TNRC6B: variants seen among roughly 807,000 people sequenced by gnomAD.
TNRC6B encodes the protein trinucleotide repeat-containing gene 6B protein.
A neutral mutation model predicts 203.6 loss-of-function variants in TNRC6B; 52 were observed. The ratio of observed to expected loss-of-function variants is 0.26; its 90% CI spans 0.20 to 0.32. The LOEUF is 0.32. Among genes scored for constraint, TNRC6B ranks in the 10% least tolerant of loss-of-function variants. TNRC6B has a pLI of 1.00. For missense variants in TNRC6B, 1,923 were observed against 2,286.2 expected, an observed-to-expected ratio of 0.84 and a Z score of 3.24; for synonymous variants, 838 against 845.7, an observed-to-expected ratio of 0.99 and a Z score of 0.16.
In TNRC6B at chr22:40,085,159, G is replaced by A. The variant is rs1303599855; in HGVS notation, c.-120-31896G>A. On this transcript the variant is annotated intron_variant, in intron 1 of 23. Transcript: ENST00000301923. The stretch of plus-strand genomic sequence containing the variant: ...CTAACAGCTACCATGTGAGCACTTT[G>A]TTTTGGAAGAAGATCTTCCAGCCTC... 2.0e-5 allele frequency among the ~76,000 whole-genome samples: 3 copies of A among 152,164 alleles called. No homozygotes were observed. In the East Asian group the frequency reaches 5.8e-4, roughly 29 times the overall value.
At chr22:40,178,743 A>G (rs1601861926) in intron 1 of TNRC6B, among the ~76,000 whole-genome samples, 1 of 152,092 alleles carries the variant, frequency 6.6e-6, no homozygotes, top group African/African-American at 2.4e-5. Flanking sequence ...AAACCTCCCA[A>G]GCAATATGTG....
chr22:40,142,225 A>AT lies in TNRC6B; in HGVS notation c.46-13872dup, dbSNP rs36034249. Among the ~76,000 whole-genome samples, 76 of 143,052 alleles carry AT rather than the reference A, an allele frequency of 5.3e-4. 1 individual carries two copies. Among genetic ancestry groups the AT allele is most frequent in the Admixed American group, 9.1e-4 (13 of 14,262 alleles). 93.8% of individuals were successfully genotyped at this position (143,052 alleles called of 152,430 possible). A position where few individuals can be genotyped will look rare whatever the true frequency, so the allele number is the denominator to read the frequency against. ...AGGCAAGTGCCACCACGCCTAGCTAATTTTTTTTTTTTTTTTTTAAGAGAG... is the reference window on the plus strand; with the variant it reads ...AGGCAAGTGCCACCACGCCTAGCTAATTTTTTTTTTTTTTTTTTTAAGAGAG... On this transcript the variant is annotated intron_variant, in intron 3 of 23. Transcript: ENST00000301923.
At chr22:40,141,152 T>G (rs1230603184) in intron 3 of TNRC6B, among the ~76,000 whole-genome samples, 1 of 151,692 alleles carries the variant, frequency 6.6e-6, no homozygotes, top group Non-Finnish European at 1.5e-5. Context: ...ACGAATTTAT[T>G]GAGCACAGTG....
intron 7 of TNRC6B, among the ~76,000 whole-genome samples, chr22:40,276,636 A>G (rs757646414): frequency 1.3e-5 from 2 of 152,226 alleles, no homozygotes; most frequent in Non-Finnish European, 2.9e-5. Context: ...AGGAAGCACT[A>G]TGAGTTCCTT....
At chr22:40,268,912 C>CAAAAAAAAAAA (rs1045950958) in intron 5 of TNRC6B, among the ~76,000 whole-genome samples, 97 of 148,986 alleles carry the variant, frequency 6.5e-4, no homozygotes, top group African/African-American at 2.3e-3. Context: ...GACTCCGTCT[C>CAAAAAAAAAAA]AAAAAATAAT....
chr22:40,279,612 T>A (rs2070697490), intron 9 of TNRC6B, among the ~76,000 whole-genome samples: 1 of 152,188 alleles, frequency 6.6e-6, no homozygotes, highest in Non-Finnish European at 1.5e-5. Context: ...AACAGACAAC[T>A]TCTCTCCCTG....
intron 3 of TNRC6B, among the ~76,000 whole-genome samples, chr22:40,251,495 G>T (rs113102914): frequency 0.018 from 2,725 of 152,238 alleles, 55 homozygotes; most frequent in African/African-American, 0.047. Flanking sequence ...TGGGAGGCTG[G>T]ATCACCTGAG....
chr22:40,195,282 G>C (rs1346991446), intron 1 of TNRC6B, among the ~76,000 whole-genome samples: 2 of 152,184 alleles, frequency 1.3e-5, no homozygotes, highest in African/African-American at 2.4e-5. Context: ...AGATATTTCA[G>C]ATATTGAAAA....
rs138599234 is a variant in TNRC6B, at chr22:40,187,640, G to C, written c.5+9500G>C. On this transcript the variant is annotated intron_variant, in intron 1 of 22. Transcript: ENST00000454349. ...GATTGCTTTAAGTCAGTGTCCCAGC[G>C]TCCCTGTGTGGTGGAGGTGTGAGGT... Among the ~76,000 whole-genome samples, 715 of 152,210 alleles carry C rather than the reference G, an allele frequency of 4.7e-3. 6 individuals carry two copies. The highest frequency in any genetic ancestry group is 0.016 in the African/African-American group (655 of 41,508).
intron 3 of TNRC6B, among the ~76,000 whole-genome samples, chr22:40,137,170 T>A (rs2068607205): frequency 6.6e-6 from 1 of 152,246 alleles, no homozygotes; most frequent in Admixed American, 6.5e-5. Flanking sequence ...TAATAAAGTC[T>A]TTTGCTTTCC....
chr22:40,300,726 G>A, intron 13 of TNRC6B, 140 bp downstream of exon 13: 1 of 1,282,016 alleles, frequency 7.8e-7, no homozygotes, highest in African/African-American at 1.5e-5. Context: ...ACTATGGAGT[G>A]TGCTTAAGGG....
intron 1 of TNRC6B, among the ~76,000 whole-genome samples, chr22:40,225,920 G>A (rs1198576745): frequency 2.6e-5 from 4 of 152,234 alleles, no homozygotes; most frequent in African/African-American, 4.8e-5. Context: ...ATTTTAAATG[G>A]AACTGGGCAT....
At chr22:40,093,946 G>A (rs2068168132) in intron 1 of TNRC6B, among the ~76,000 whole-genome samples, 1 of 152,006 alleles carries the variant, frequency 6.6e-6, no homozygotes, top group African/African-American at 2.4e-5. Context: ...AAAATAACTG[G>A]AAGAGTAGAA....
At chr22:40,074,235 C>CAAAAAA (rs944802253) in intron 1 of TNRC6B, among the ~76,000 whole-genome samples, 1 of 68,360 alleles carries the variant, frequency 1.5e-5, no homozygotes, top group African/African-American at 4.3e-5. Flanking sequence ...CGCTCTGTCT[C>CAAAAAA]AAAAAAAAAA....
At position 40,266,173 on chromosome 22, in the gene TNRC6B, A is replaced by G. The variant is rs1197979170; in HGVS notation, c.1943A>G (p.Lys648Arg). ...CCAAGGCCTGAGGGGAAATCTGACA[A>G]AGGAACTGAGGGGTGGGAGAGCGCT... ...EVPRPEGKSD[K>R]GTEGWESAAT... The change falls in exon 5 of 23, where the codon AAA (lysine) becomes AGA (arginine). Residue 648 changes from lysine (K) to arginine (R), a missense_variant. Transcript: ENST00000454349. The G allele has an allele frequency of 6.2e-7, 1 of 1,613,680 alleles. No individual in the cohort carries two copies. Among genetic ancestry groups the G allele is most frequent in the Admixed American group, 1.7e-5 (1 of 59,954 alleles).
At position 40,281,245 on chromosome 22, in the gene TNRC6B, G is replaced by A; in HGVS notation, c.3538G>A (p.Ala1180Thr). ...GSTLPNVSLG[A>T]IGTGLNPQNF... ...CACACTACCCAACGTCAGCCTTGGA[G>A]CAATCGGCACAGGGCTCAACCCCCA... Residue 1180 changes from alanine (A) to threonine (T), a missense_variant, in exon 11 of 23, where the codon GCA becomes ACA. By Grantham distance (58) the Ala-to-Thr change is moderately conservative. Coordinates refer to ENST00000454349, the MANE Select transcript of TNRC6B (RefSeq NM_001162501.2). 6.4e-7 allele frequency: 1 copy of A among 1,551,000 alleles called. No homozygotes were observed. Among genetic ancestry groups the A allele is most frequent in the Non-Finnish European group, 8.7e-7 (1 of 1,146,692 alleles).
intron 15 of TNRC6B, among the ~76,000 whole-genome samples, chr22:40,308,010 C>A (rs1000521766): frequency 6.6e-6 from 1 of 152,150 alleles, no homozygotes; most frequent in Non-Finnish European, 1.5e-5. Flanking sequence ...AATGTCTCAC[C>A]ATTCCCTAAA....
At chr22:40,319,422 CT>C (rs374148213) in intron 21 of TNRC6B, among the ~76,000 whole-genome samples, 142 of 112,732 alleles carry the variant, frequency 1.3e-3, no homozygotes, top group South Asian at 2.5e-3. Flanking sequence ...CTTTTCTTTT[CT>C]TTTTTTTTTT....
chr22:40,170,821 GTGTGTATATACATATATGTA>G (rs2068981880), intron 4 of TNRC6B, among the ~76,000 whole-genome samples: 6 of 59,340 alleles, frequency 1.0e-4, no homozygotes, highest in African/African-American at 3.4e-4. Flanking sequence ...ACATATATGT[GTGTGTATATACATATATGTA>G]CATATATGTG....
Sources: gnomAD v4.1 joint callset for allele counts (sites outside exome capture counted in the v4.1 genomes callset) on GRCh38, gnomAD v4.1.1 for gene constraint, MANE v1.5 for transcripts, NCBI Gene and HGNC (gene_info 2026-07-23, HGNC 2026-07-21) for gene names.